The following LIPI variants were observed in gnomAD, a reference collection of about 807,000 sequenced individuals.
LIPI encodes the protein lipase member I.
LIPI carries 59 observed loss-of-function variants against 50.6 expected under a neutral mutation model. That is an observed-to-expected ratio of 1.16 (90% CI 0.94 to 1.45). The LOEUF (loss-of-function observed/expected upper bound fraction) is 1.45. LIPI is among the 40% of genes most tolerant of loss of function. The probability of loss-of-function intolerance (pLI) is 0.00; values close to 1 mark genes in which losing one functional copy is unlikely to be tolerated. For synonymous variants in LIPI, 203 were observed against 178.2 expected (o/e 1.14, Z -1.11); for missense variants, 586 against 536.3 (o/e 1.09, Z -0.92).
intron 9 of LIPI, among the ~76,000 whole-genome samples, chr21:14,130,238 G>T (rs576271313): frequency 3.9e-5 from 6 of 152,144 alleles, no homozygotes; most frequent in Non-Finnish European, 5.9e-5. Context: ...TGTTTGGGAG[G>T]CTGAGGCAGG....
intron 4 of LIPI, among the ~76,000 whole-genome samples, chr21:14,170,481 C>T (rs1159819712): frequency 1.3e-5 from 2 of 152,124 alleles, no homozygotes; most frequent in Admixed American, 1.3e-4. Context: ...TACTGGCAAA[C>T]CGAATCCAGC....
At chr21:14,112,552 CT>C (rs1568826999) in intron 9 of LIPI, among the ~76,000 whole-genome samples, 1 of 151,712 alleles carries the variant, frequency 6.6e-6, no homozygotes, top group Non-Finnish European at 1.5e-5. Context: ...AATTGTTTAC[CT>C]TTTTGATTAA....
chr21:14,134,327 C>T (rs1484288339), intron 9 of LIPI, among the ~76,000 whole-genome samples: 3 of 151,968 alleles, frequency 2.0e-5, no homozygotes, highest in Non-Finnish European at 2.9e-5. Flanking sequence ...GGCCCGTGCT[C>T]GTGGATTGGA....
chr21:14,202,840 A>C (rs2020104482), intron 1 of LIPI, among the ~76,000 whole-genome samples: 1 of 151,356 alleles, frequency 6.6e-6, no homozygotes, highest in South Asian at 2.1e-4. Context: ...AATGGGATCT[A>C]ATTAAACTAA....
chr21:14,169,685 A>AC (rs1358855688), intron 4 of LIPI, among the ~76,000 whole-genome samples: 1 of 152,242 alleles, frequency 6.6e-6, no homozygotes, highest in African/African-American at 2.4e-5. Context: ...GACACAACAT[A>AC]CCAGAATCCC....
intron 9 of LIPI, among the ~76,000 whole-genome samples, chr21:14,110,671 C>T (rs1362864296): frequency 6.6e-6 from 1 of 151,792 alleles, no homozygotes; most frequent in Non-Finnish European, 1.5e-5. Context: ...CATGGTTCTA[C>T]TCTCTGCTTC....
chr21:14,117,011 T>C (rs1210556710), intron 9 of LIPI, among the ~76,000 whole-genome samples: 6 of 151,654 alleles, frequency 4.0e-5, no homozygotes, highest in African/African-American at 1.5e-4. Context: ...CAGAGGAGAG[T>C]ACCCCCCAAA....
intron 1 of LIPI, among the ~76,000 whole-genome samples, chr21:14,201,843 A>AGGCTGG (rs2123335390): frequency 6.6e-6 from 1 of 152,304 alleles, no homozygotes; most frequent in East Asian, 1.9e-4. Context: ...CAGGGCAATC[A>AGGCTGG]GGCTGGAGAA....
Position 14,210,819 on chromosome 21 carries a change from CA to C in LIPI, c.26del (p.Leu9Ter). 1 of 1,226,398 alleles carries C rather than the reference CA, an allele frequency of 8.2e-7. No homozygotes were observed. The highest frequency in any genetic ancestry group is 1.1e-6 in the Non-Finnish European group (1 of 951,428). 76.0% of individuals were successfully genotyped at this position (1,226,398 alleles called of 1,614,324 possible). Reference sequence around the variant, plus strand: ...TCTTACCAGATCTCACCCAGCACATCAAACAAAGAAAAATGTATACTCTCAT... The same window carrying C: ...TCTTACCAGATCTCACCCAGCACATCAACAAAGAAAAATGTATACTCTCAT... MRVYIFLC[L>X]MCWVRSDNKR... On this transcript the variant is annotated frameshift_variant, in exon 1 of 10. Transcript: ENST00000681601. LOFTEE classifies it high-confidence loss of function.
intron 1 of LIPI, among the ~76,000 whole-genome samples, chr21:14,196,147 C>T (rs1334879771): frequency 8.3e-6 from 1 of 121,066 alleles, no homozygotes; most frequent in Non-Finnish European, 1.7e-5. Flanking sequence ...TTACATGACA[C>T]CAAATTGTAA....
intron 4 of LIPI, among the ~76,000 whole-genome samples, chr21:14,172,419 A>G (rs1449454687): frequency 6.6e-6 from 1 of 152,198 alleles, no homozygotes; most frequent in Non-Finnish European, 1.5e-5. Flanking sequence ...ATGCACACGT[A>G]TGTTTATTGC....
At chr21:14,156,896 T>C (rs1274890778) in intron 7 of LIPI, among the ~76,000 whole-genome samples, 2 of 151,906 alleles carry the variant, frequency 1.3e-5, no homozygotes, top group East Asian at 3.9e-4. Flanking sequence ...GGATGTCTAA[T>C]GGAATGAATA....
chr21:14,130,521 C>T (rs114619712), intron 9 of LIPI, among the ~76,000 whole-genome samples: 1 of 152,168 alleles, frequency 6.6e-6, no homozygotes, highest in Non-Finnish European at 1.5e-5. Context: ...GGGCTGCTGA[C>T]AGACCAAGAC....
intron 6 of LIPI, among the ~76,000 whole-genome samples, chr21:14,163,983 T>C (rs2018585267): frequency 6.6e-6 from 1 of 150,842 alleles, no homozygotes; most frequent in South Asian, 2.1e-4. Flanking sequence ...ATATTATATA[T>C]ATGTAGTATA....
chr21:14,166,578 G>T, intron 4 of LIPI, 127 bp from the exon 5 acceptor site: 1 of 663,402 alleles, frequency 1.5e-6, no homozygotes, highest in South Asian at 1.7e-5. Context: ...AATAAGTGCT[G>T]TTTTTATAAA....
chr21:14,125,772 A>T (rs546243598), intron 9 of LIPI, among the ~76,000 whole-genome samples: 1 of 152,202 alleles, frequency 6.6e-6, no homozygotes, highest in Non-Finnish European at 1.5e-5. Context: ...GTTAGCCAGG[A>T]TGGTCTCCAT....
chr21:14,162,040 C>T (rs1220779515), intron 7 of LIPI, among the ~76,000 whole-genome samples: 1 of 147,326 alleles, frequency 6.8e-6, no homozygotes, highest in Non-Finnish European at 1.5e-5. Context: ...AGTAGTATCC[C>T]ATAGGAACAT....
At position 14,189,227 on chromosome 21, in the gene LIPI, A is replaced by G; in HGVS notation, c.239T>C (p.Ile80Thr). The change falls in exon 2 of 10, where the codon ATT becomes ACT. Residue 80 changes from isoleucine (I) to threonine (T), a missense_variant. Physicochemically the swap from Ile to Thr is moderately conservative, Grantham distance 89 (BLOSUM62 -1). Coordinates refer to ENST00000681601, the MANE Select transcript of LIPI (RefSeq NM_001302998.2). The stretch of plus-strand genomic sequence containing the variant: ...GGAGCCTACTGGTCTGTATCCGTGA[A>G]TAAGCCAGACTGTTTTCTTTTGTGT... ...FNTQKKTVWL[I>T]HGYRPVGSIP... is the part of the protein sequence containing the mutation. The G allele has an allele frequency of 6.2e-7, 1 of 1,614,050 alleles. No homozygotes were observed. The highest frequency in any genetic ancestry group is 2.2e-5 in the East Asian group (1 of 44,866).
chr21:14,121,019 A>G lies in LIPI; in HGVS notation c.1296-11939T>C, dbSNP rs114156045. 7.7e-3 allele frequency among the ~76,000 whole-genome samples: 1,174 copies of G among 152,266 alleles called. 20 individuals are homozygous for G. Among genetic ancestry groups the G allele is most frequent in the African/African-American group, 0.026 (1,065 of 41,522 alleles). Reference sequence around the variant, plus strand: ...GAAAACCTGCTTGTAAACTTTACCAAACTGCCTCAGGCTGGAGGCTGTCAG... The same window carrying G: ...GAAAACCTGCTTGTAAACTTTACCAGACTGCCTCAGGCTGGAGGCTGTCAG... On this transcript the variant is annotated intron_variant, in intron 9 of 9. Transcript: ENST00000681601.
Sources: allele counts gnomAD v4.1 joint callset (sites outside exome capture counted in the v4.1 genomes callset), GRCh38; gene constraint gnomAD v4.1.1; transcripts MANE v1.5; gene names NCBI Gene and HGNC (gene_info 2026-07-23, HGNC 2026-07-21).